Variants in AVL9 observed in about 807,000 individuals in gnomAD.
AVL9 encodes the protein AVL9 cell migration associated.
Under a neutral mutation model 79.2 loss-of-function variants are expected in AVL9, and 49 were observed. That is an observed-to-expected ratio of 0.62 (90% CI 0.49 to 0.79). AVL9 has a LOEUF of 0.79. Among genes scored for constraint, AVL9 ranks in the 30% least tolerant of loss-of-function variants. The pLI is 0.00. For missense variants in AVL9, 682 were observed against 776.8 expected (o/e 0.88, Z 1.45); for synonymous variants, 299 against 280.6 (o/e 1.07, Z -0.65).
At chr7:32,510,541 G>T (rs1787621547) in intron 1 of AVL9, among the ~76,000 whole-genome samples, 1 of 144,662 alleles carries the variant, frequency 6.9e-6, no homozygotes. Context: ...AACTGCCCCA[G>T]TATGAGGGAA....
intron 10 of AVL9, chr7:32,559,879 A>C (rs1245338478): frequency 1.3e-5 from 2 of 157,364 alleles, no homozygotes; most frequent in East Asian, 3.8e-4. Context: ...TTTGTTTCCA[A>C]GTGCATATAA....
intron 8 of AVL9, 69 bp downstream of exon 8, chr7:32,554,665 C>T (rs982272450): frequency 3.9e-5 from 43 of 1,108,864 alleles, no homozygotes; most frequent in East Asian, 5.6e-5. Flanking sequence ...TACATTATTT[C>T]ATAAAATTGA....
intron 1 of AVL9, among the ~76,000 whole-genome samples, chr7:32,525,808 C>G (rs1788376838): frequency 6.6e-6 from 1 of 152,166 alleles, no homozygotes; most frequent in Non-Finnish European, 1.5e-5. Flanking sequence ...CAGTCTCCCT[C>G]CTTTGGCATC....
At chr7:32,559,701 AT>A (rs1289097409) in intron 10 of AVL9, among the ~76,000 whole-genome samples, 1 of 152,180 alleles carries the variant, frequency 6.6e-6, no homozygotes, top group Non-Finnish European at 1.5e-5. Context: ...TATGAGTCAT[AT>A]GCACAATCAC....
chr7:32,575,406 A>G (rs1791047014), intron 12 of AVL9, among the ~76,000 whole-genome samples: 1 of 152,100 alleles, frequency 6.6e-6, no homozygotes, highest in African/African-American at 2.4e-5. Context: ...GCCTTTTTTA[A>G]GTGTTTTTGA....
In AVL9 at chr7:32,584,007, C is replaced by T. The variant is rs1294202901; in HGVS notation, c.*100C>T. The T allele has an allele frequency of 8.5e-6, 7 of 826,168 alleles. No homozygotes were observed. The East Asian group carries it at 1.3e-4, about 15-fold the overall frequency. 51.2% of individuals were successfully genotyped at this position (826,168 alleles called of 1,614,324 possible). ...CTAGCCACAGATCCACAGCAGGGGACCATATGTCGAACTGTTTACATGGAT... is the reference window on the plus strand; with the variant it reads ...CTAGCCACAGATCCACAGCAGGGGATCATATGTCGAACTGTTTACATGGAT... On this transcript the variant is annotated 3_prime_UTR_variant, in exon 16 of 16. Transcript: ENST00000318709.
At chr7:32,512,333 A>G (rs923502970) in intron 1 of AVL9, among the ~76,000 whole-genome samples, 3 of 152,156 alleles carry the variant, frequency 2.0e-5, no homozygotes, top group Non-Finnish European at 4.4e-5. Flanking sequence ...TTTCCTTACT[A>G]CATTGTTCAA....
At chr7:32,554,437 A>G in intron 7 of AVL9, 121 bp from the exon 8 acceptor site, 1 of 500,120 alleles carries the variant, frequency 2.0e-6, no homozygotes, top group Non-Finnish European at 3.5e-6. Context: ...ATAATTTTTC[A>G]TGTACTTTTT....
intron 15 of AVL9, among the ~76,000 whole-genome samples, chr7:32,582,112 T>C (rs1562804288): frequency 6.6e-6 from 1 of 152,224 alleles, no homozygotes; most frequent in Non-Finnish European, 1.5e-5. Context: ...TTCTATATTT[T>C]TAACTTTTTA....
At chr7:32,574,971 T>A (rs768482015) in intron 12 of AVL9, among the ~76,000 whole-genome samples, 6 of 152,244 alleles carry the variant, frequency 3.9e-5, no homozygotes, top group Non-Finnish European at 5.9e-5. Context: ...TAGCCATTTG[T>A]ATCAGTTCTC....
At chr7:32,523,060 C>T (rs932577273) in intron 1 of AVL9, among the ~76,000 whole-genome samples, 1 of 143,640 alleles carries the variant, frequency 7.0e-6, no homozygotes, top group African/African-American at 2.6e-5. Context: ...GAATCAGCAG[C>T]ATGAAAATGG....
Position 32,573,358 on chromosome 7 carries a change from T to C in AVL9, c.1510T>C (p.Trp504Arg). The C allele has an allele frequency of 6.2e-7, 1 of 1,613,676 alleles. No homozygotes were observed. ...CACGGGCTGGGAGGGAGGTGACGAATGGATCCGGGCCCAGTTTGCGGTCTA... is the reference window on the plus strand; with the variant it reads ...CACGGGCTGGGAGGGAGGTGACGAACGGATCCGGGCCCAGTTTGCGGTCTA... ...DGTGWEGGDEWIRAQFAVYIH... is the reference protein window; with the variant it reads ...DGTGWEGGDERIRAQFAVYIH... The change falls in exon 12 of 16, where the codon TGG becomes CGG. Residue 504 changes from tryptophan (W) to arginine (R), a missense_variant. Physicochemically the swap from Trp to Arg is moderately radical, Grantham distance 101. Transcript: ENST00000318709.
intron 3 of AVL9, among the ~76,000 whole-genome samples, chr7:32,545,773 A>T (rs957391019): frequency 2.6e-5 from 4 of 152,140 alleles, no homozygotes; most frequent in Non-Finnish European, 5.9e-5. Context: ...TATGTGTAGC[A>T]CTGTTTTTTT....
At chr7:32,548,082 C>G (rs1789605321) in intron 3 of AVL9, among the ~76,000 whole-genome samples, 1 of 151,976 alleles carries the variant, frequency 6.6e-6, no homozygotes, top group Non-Finnish European at 1.5e-5. Context: ...GAACAACTAA[C>G]TTAACAAAAT....
intron 15 of AVL9, among the ~76,000 whole-genome samples, chr7:32,582,530 T>G (rs1791559045): frequency 6.6e-6 from 1 of 152,246 alleles, no homozygotes. Flanking sequence ...ATAGAAAAAC[T>G]ATGCTATATT....
intron 10 of AVL9, among the ~76,000 whole-genome samples, chr7:32,566,573 GT>G (rs1369787057): frequency 0.14 from 27 of 196 alleles, no homozygotes; most frequent in Admixed American, 0.28. Context: ...CTACAATCTA[GT>G]AGGCCAAACA....
intron 1 of AVL9, among the ~76,000 whole-genome samples, chr7:32,520,799 T>C (rs537500066): frequency 7.0e-4 from 107 of 152,222 alleles, no homozygotes; most frequent in South Asian, 1.9e-3. Flanking sequence ...GTACAGATGG[T>C]TAATAATACA....
Position 32,500,218 on chromosome 7 carries a change from A to G in AVL9, c.93+4416A>G, listed in dbSNP as rs183476155. On this transcript the variant is annotated intron_variant, in intron 1 of 15. Transcript: ENST00000318709. ...TAATTTACACTTCCATCAATAGTGT[A>G]AAAGCATTCCTATTTCACATCCTCT... 1.5e-3 allele frequency among the ~76,000 whole-genome samples: 235 copies of G among 152,352 alleles called. 2 individuals are homozygous for G. The highest frequency in any genetic ancestry group is 5.2e-3 in the African/African-American group (218 of 41,584).
intron 12 of AVL9, among the ~76,000 whole-genome samples, chr7:32,574,230 A>AT (rs940675320): frequency 9.2e-5 from 8 of 86,660 alleles, no homozygotes; most frequent in Admixed American, 6.0e-4. Context: ...GTATCAGTAG[A>AT]TTTTTTTAAT....
Sources: gnomAD v4.1 joint callset for allele counts (sites outside exome capture counted in the v4.1 genomes callset) on GRCh38, gnomAD v4.1.1 for gene constraint, MANE v1.5 for transcripts, NCBI Gene and HGNC (gene_info 2026-07-23, HGNC 2026-07-21) for gene names.